RALY: variants seen among roughly 807,000 people sequenced by gnomAD.
RALY encodes RNA-binding protein Raly.
Under a neutral mutation model 30.7 loss-of-function variants are expected in RALY, and 15 were observed. The observed-to-expected ratio is 0.49, with a 90% CI of 0.33 to 0.75. The LOEUF (loss-of-function observed/expected upper bound fraction) is 0.75, where lower values mean the gene tolerates loss of function less well. RALY is among the 30% of genes least tolerant of loss of function. The pLI, the probability that RALY is intolerant of heterozygous loss-of-function variation, is 0.02. For synonymous variants in RALY, 177 were observed against 170.8 expected (o/e 1.04, Z -0.28); for missense variants, 339 against 414.3 (o/e 0.82, Z 1.58).
At chr20:34,013,098 T>C (rs533658883) in intron 1 of RALY, among the ~76,000 whole-genome samples, 1 of 152,328 alleles carries the variant, frequency 6.6e-6, no homozygotes, top group East Asian at 1.9e-4. Context: ...TAGTTGATTT[T>C]GCTCACCTGA....
chr20:34,020,791 G>A (rs2031789766), intron 1 of RALY, among the ~76,000 whole-genome samples: 1 of 152,150 alleles, frequency 6.6e-6, no homozygotes, highest in Non-Finnish European at 1.5e-5. Flanking sequence ...AAGAAAGAAG[G>A]TAGTTATGCA....
chr20:34,070,434 A>G (rs2033694808), intron 2 of RALY, among the ~76,000 whole-genome samples: 1 of 152,196 alleles, frequency 6.6e-6, no homozygotes, highest in Non-Finnish European at 1.5e-5. Flanking sequence ...CCTTTGGGGT[A>G]AAAGACCTGG....
intron 2 of RALY, among the ~76,000 whole-genome samples, chr20:34,059,898 C>T (rs1174381666): frequency 1.3e-5 from 2 of 152,200 alleles, no homozygotes; most frequent in Non-Finnish European, 2.9e-5. Flanking sequence ...CTAGAGGGTC[C>T]TCAAAGCACA....
chr20:34,045,813 G>T (rs1172394159), intron 2 of RALY, among the ~76,000 whole-genome samples: 1 of 152,096 alleles, frequency 6.6e-6, no homozygotes, highest in Non-Finnish European at 1.5e-5. Context: ...TAAATCCCTG[G>T]TATTAGAAAT....
At chr20:34,019,985 C>T (rs893758339) in intron 1 of RALY, among the ~76,000 whole-genome samples, 9 of 151,868 alleles carry the variant, frequency 5.9e-5, no homozygotes, top group South Asian at 2.1e-4. Flanking sequence ...GGCGTGAACC[C>T]GGGAGGCGGA....
chr20:34,072,032 G>A lies in RALY; in HGVS notation c.-9-34G>A, dbSNP rs752767565. On this transcript the variant is annotated intron_variant, in intron 2 of 9. Coordinates refer to ENST00000246194, the MANE Select transcript of RALY (RefSeq NM_016732.3). Reference sequence around the variant, plus strand: ...GTGGGCAGTCCTTGAGCCCAGCCCAGGGACCCAGCTTCACCGAGGCTCTTT... The same window carrying A: ...GTGGGCAGTCCTTGAGCCCAGCCCAAGGACCCAGCTTCACCGAGGCTCTTT... 22 of 1,603,384 alleles carry A rather than the reference G, an allele frequency of 1.4e-5. No homozygotes were observed. The South Asian group carries it at 2.1e-4, about 15-fold the overall frequency.
chr20:34,055,975 C>T (rs2033230440), intron 2 of RALY, among the ~76,000 whole-genome samples: 1 of 152,148 alleles, frequency 6.6e-6, no homozygotes, highest in Non-Finnish European at 1.5e-5. Context: ...ATGGGATGCT[C>T]TGCTCAGGGG....
At chr20:34,058,225 C>T (rs569027839) in intron 2 of RALY, among the ~76,000 whole-genome samples, 57 of 152,164 alleles carry the variant, frequency 3.7e-4, no homozygotes, top group Non-Finnish European at 7.2e-4. Context: ...TTATACCTGT[C>T]GTTTTGAGGG....
At chr20:34,066,268 C>T (rs1018291372) in intron 2 of RALY, among the ~76,000 whole-genome samples, 2 of 148,254 alleles carry the variant, frequency 1.3e-5, no homozygotes, top group South Asian at 2.1e-4. Context: ...GAGGGTGGAT[C>T]AGGAGTTCGA....
chr20:34,053,564 A>G (rs2033150271), intron 2 of RALY, among the ~76,000 whole-genome samples: 1 of 151,794 alleles, frequency 6.6e-6, no homozygotes, highest in Non-Finnish European at 1.5e-5. Flanking sequence ...TGCCCGGCTA[A>G]TTTTTAATTG....
At chr20:34,051,259 A>G (rs2033069097) in intron 2 of RALY, among the ~76,000 whole-genome samples, 1 of 152,182 alleles carries the variant, frequency 6.6e-6, no homozygotes, top group South Asian at 2.1e-4. Context: ...AGGAAGCTTT[A>G]AAGAGAGTTA....
intron 1 of RALY, among the ~76,000 whole-genome samples, chr20:34,022,774 C>A (rs2031877933): frequency 6.6e-6 from 1 of 152,202 alleles, no homozygotes; most frequent in Admixed American, 6.5e-5. Context: ...CAATTCATTT[C>A]ATGTCTCTGG....
At chr20:34,026,850 A>G (rs1164949372) in intron 1 of RALY, among the ~76,000 whole-genome samples, 1 of 152,180 alleles carries the variant, frequency 6.6e-6, no homozygotes, top group African/African-American at 2.4e-5. Flanking sequence ...TTCGGTTGAT[A>G]TTCATACTGG....
intron 8 of RALY, chr20:34,077,533 A>G (rs1480282221): frequency 1.8e-6 from 1 of 545,786 alleles, no homozygotes; most frequent in Non-Finnish European, 3.2e-6. Flanking sequence ...ATTCGGACAT[A>G]AGGGAGCACA....
intron 1 of RALY, among the ~76,000 whole-genome samples, chr20:34,013,312 G>A (rs1248674489): frequency 1.3e-5 from 2 of 151,710 alleles, no homozygotes; most frequent in Admixed American, 1.3e-4. Context: ...TACTTGGGAG[G>A]CTGGGGTGGG....
chr20:34,051,231 T>A (rs1273783497), intron 2 of RALY, among the ~76,000 whole-genome samples: 2 of 152,170 alleles, frequency 1.3e-5, no homozygotes, highest in African/African-American at 4.8e-5. Flanking sequence ...CACTTGACAG[T>A]TGAGGAAACT....
rs2284382 is a variant in RALY, at chr20:34,041,420, G to C, written c.-10+9816G>C. 1.3e-3 allele frequency among the ~76,000 whole-genome samples: 195 copies of C among 152,364 alleles called. 3 individuals are homozygous for C. The East Asian group carries it at 0.036, about 28-fold the overall frequency. On this transcript the variant is annotated intron_variant, in intron 2 of 9. Coordinates refer to ENST00000246194, the MANE Select transcript of RALY (RefSeq NM_016732.3). ...TGAAGGAATCTGCCTTTATGTGACA[G>C]AGCCAGGGGCTAGAGTCCAAATCTT...
intron 2 of RALY, among the ~76,000 whole-genome samples, 173 bp from the exon 3 acceptor site, chr20:34,071,893 A>G (rs1258777623): frequency 6.6e-6 from 1 of 152,208 alleles, no homozygotes; most frequent in Admixed American, 6.5e-5. Flanking sequence ...TCAGCAGCCA[A>G]TATGTGGCAA....
At chr20:34,032,571 C>CA (rs2032325889) in intron 2 of RALY, among the ~76,000 whole-genome samples, 1 of 151,808 alleles carries the variant, frequency 6.6e-6, no homozygotes, top group African/African-American at 2.4e-5. Flanking sequence ...AGGCTGGTCT[C>CA]AAACTCCTGG....
Sources: allele counts gnomAD v4.1 joint callset (sites outside exome capture counted in the v4.1 genomes callset), GRCh38; gene constraint gnomAD v4.1.1; transcripts MANE v1.5; gene names NCBI Gene and HGNC (gene_info 2026-07-23, HGNC 2026-07-21).